NHSL2: variants seen among roughly 807,000 people sequenced by gnomAD.
The protein encoded by NHSL2 is NHS-like protein 2.
NHSL2 carries 27 observed loss-of-function variants against 53.4 expected under a neutral mutation model. The observed-to-expected ratio is 0.51, with a 90% CI of 0.37 to 0.70. The LOEUF (loss-of-function observed/expected upper bound fraction) is 0.70. Ranked by LOEUF, NHSL2 falls within the 30% of genes least tolerant of loss-of-function variation. The pLI, the probability that NHSL2 is intolerant of heterozygous loss-of-function variation, is 0.00. For missense variants in NHSL2, 892 were observed against 980.1 expected (o/e 0.91, Z 1.20); for synonymous variants, 408 against 404.1 (o/e 1.01, Z -0.12).
chrX:71,914,037 A>G (rs2041616678), intron 1 of NHSL2, among the ~76,000 whole-genome samples: 1 of 112,420 alleles, frequency 8.9e-6, no homozygotes, highest in Non-Finnish European at 1.9e-5. Flanking sequence ...CCCCTTTGAG[A>G]CTGCCCTAAA....
chrX:71,981,536 C>CAAAAAAA (rs140961615), intron 1 of NHSL2, among the ~76,000 whole-genome samples: 2 of 66,639 alleles, frequency 3.0e-5, no homozygotes. Flanking sequence ...GACTCTGTCT[C>CAAAAAAA]AAAAAAAAAA....
Position 71,988,417 on chromosome X carries a change from C to T in NHSL2, c.280+77050C>T, listed in dbSNP as rs915489865. ...TAGCAGTTAATAGTAGTGCCAAACT[C>T]GTTCTTAGTCGAGAGGGACTTTACT... is the stretch of plus-strand genomic sequence containing the variant. On this transcript the variant is annotated intron_variant, in intron 1 of 7. Transcript: ENST00000633930. Among the ~76,000 whole-genome samples the T allele has an allele frequency of 6.3e-5, 7 of 111,523 alleles. 1 individual carries two copies. In the Admixed American group the frequency reaches 6.6e-4, roughly 11 times the overall value.
chrX:72,119,402 A>G (rs1219684946), intron 1 of NHSL2, among the ~76,000 whole-genome samples: 2 of 112,136 alleles, frequency 1.8e-5, no homozygotes, highest in Non-Finnish European at 3.8e-5. Context: ...ATCCATGAAC[A>G]TGTCTTTCCA....
At chrX:71,952,324 C>T (rs984687718) in intron 1 of NHSL2, among the ~76,000 whole-genome samples, 1 of 111,896 alleles carries the variant, frequency 8.9e-6, no homozygotes, top group Admixed American at 9.4e-5. Flanking sequence ...AAAAGGAAGC[C>T]CCTCCAAGTT....
chrX:71,939,758 A>AAT (rs368303198), intron 1 of NHSL2, among the ~76,000 whole-genome samples: 279 of 112,046 alleles, frequency 2.5e-3, no homozygotes, highest in African/African-American at 8.9e-3. Flanking sequence ...TAAGTGAAAT[A>AAT]ATATATATAA....
intron 1 of NHSL2, among the ~76,000 whole-genome samples, chrX:72,032,452 C>T (rs2042220557): frequency 9.0e-6 from 1 of 111,351 alleles, no homozygotes; most frequent in Non-Finnish European, 1.9e-5. Context: ...CCACAAAGAT[C>T]TTCCTCATGC....
intron 1 of NHSL2, among the ~76,000 whole-genome samples, chrX:72,110,746 A>AC (rs1172920706): frequency 3.1e-5 from 3 of 97,045 alleles, no homozygotes; most frequent in African/African-American, 1.2e-4. Context: ...AAAAAAAAAA[A>AC]AAAAAACCCA....
chrX:71,947,703 C>G (rs921029141), intron 1 of NHSL2, among the ~76,000 whole-genome samples: 1 of 112,197 alleles, frequency 8.9e-6, no homozygotes, highest in Non-Finnish European at 1.9e-5. Context: ...CCTGTGAGCT[C>G]TGTGAGGATA....
intron 1 of NHSL2, among the ~76,000 whole-genome samples, chrX:72,004,722 C>T (rs868009744): frequency 4.7e-5 from 5 of 107,457 alleles, no homozygotes; most frequent in East Asian, 2.9e-4. Context: ...AGGACCTGTC[C>T]GCTCCGGCCC....
chrX:72,102,711 T>C (rs1255298524), intron 1 of NHSL2, among the ~76,000 whole-genome samples: 1 of 112,632 alleles, frequency 8.9e-6, no homozygotes, highest in Non-Finnish European at 1.9e-5. Context: ...TCACAGAATA[T>C]TGTTTCTTGC....
intron 1 of NHSL2, among the ~76,000 whole-genome samples, chrX:72,068,046 A>G (rs978109985): frequency 1.8e-5 from 2 of 111,773 alleles, no homozygotes; most frequent in African/African-American, 6.5e-5. Flanking sequence ...CTGGGAAGGT[A>G]TCTCTAGACC....
intron 1 of NHSL2, among the ~76,000 whole-genome samples, chrX:71,985,477 T>C (rs1042266043): frequency 6.2e-5 from 7 of 112,474 alleles, no homozygotes; most frequent in African/African-American, 1.9e-4. Context: ...CAGATTCTTA[T>C]TGCACTTATG....
chrX:72,002,326 C>T (rs1342817006), intron 1 of NHSL2, among the ~76,000 whole-genome samples: 2 of 112,492 alleles, frequency 1.8e-5, no homozygotes, highest in African/African-American at 6.5e-5. Flanking sequence ...AGCTATATTA[C>T]AGTCTCTTAG....
At chrX:72,050,185 A>G (rs61094201) in intron 1 of NHSL2, among the ~76,000 whole-genome samples, 2,682 of 110,636 alleles carry the variant, frequency 0.024, 74 homozygotes, top group African/African-American at 0.083. Flanking sequence ...GGGTCTGGCA[A>G]GAGTTCCAAA....
At chrX:71,979,939 T>A (rs753640676) in intron 1 of NHSL2, among the ~76,000 whole-genome samples, 247 of 112,038 alleles carry the variant, frequency 2.2e-3, no homozygotes, top group Middle Eastern at 9.2e-3. Flanking sequence ...AATTTTTGTA[T>A]AAGGTGTAAG....
chrX:72,076,760 G>A (rs1255967262), intron 1 of NHSL2, among the ~76,000 whole-genome samples: 1 of 112,238 alleles, frequency 8.9e-6, no homozygotes, highest in South Asian at 3.7e-4. Flanking sequence ...GGCTAACGTG[G>A]CCTCCTAAGT....
chrX:71,929,750 T>C (rs1232573950), intron 1 of NHSL2, among the ~76,000 whole-genome samples: 1 of 108,856 alleles, frequency 9.2e-6, no homozygotes, highest in Non-Finnish European at 1.9e-5. Flanking sequence ...TTCTTTCTCT[T>C]TTTTTTTTCT....
Position 71,911,067 on chromosome X carries a change from G to A in NHSL2, c.-21G>A. On this transcript the variant is annotated 5_prime_UTR_variant, in exon 1 of 8. Transcript: ENST00000633930. ...CGCCGCGCCGCCAGACTGGTCCCCT[G>A]CGCCCGCGCCCGCGGCCGGGATGCC... 1.0e-6 allele frequency: 1 copy of A among 991,562 alleles called. No homozygotes were observed. Among genetic ancestry groups the A allele is most frequent in the Non-Finnish European group, 1.3e-6 (1 of 788,058 alleles). The allele number at this position is 991,562 out of a possible 1,213,427, so 81.7% of individuals were successfully genotyped here. A position where few individuals can be genotyped will look rare whatever the true frequency, so the allele number is the denominator to read the frequency against.
chrX:71,945,368 G>A (rs1385963828), intron 1 of NHSL2, among the ~76,000 whole-genome samples: 2 of 111,929 alleles, frequency 1.8e-5, no homozygotes, highest in Non-Finnish European at 3.8e-5. Context: ...CGCAGCTGAC[G>A]AAGCATTCTG....
Sources: allele counts gnomAD v4.1 joint callset (sites outside exome capture counted in the v4.1 genomes callset), GRCh38; gene constraint gnomAD v4.1.1; transcripts MANE v1.5; gene names NCBI Gene and HGNC (gene_info 2026-07-23, HGNC 2026-07-21).